The following FAM110B variants were observed in gnomAD, a reference collection of about 807,000 sequenced individuals.
FAM110B encodes the protein family with sequence similarity 110 member B, also known as protein FAM110B.
FAM110B carries 6 observed loss-of-function variants against 20.4 expected under a neutral mutation model. The ratio of observed to expected loss-of-function variants is 0.29; its 90% CI spans 0.16 to 0.58. The LOEUF (loss-of-function observed/expected upper bound fraction) is 0.58. Ranked by LOEUF, FAM110B falls within the 20% of genes least tolerant of loss-of-function variation. The pLI, the probability that FAM110B is intolerant of heterozygous loss-of-function variation, is 0.90. For missense variants in FAM110B, 434 were observed against 498.2 expected (o/e 0.87, Z 1.23); for synonymous variants, 226 against 214.1 (o/e 1.06, Z -0.49).
intron 1 of FAM110B, among the ~76,000 whole-genome samples, chr8:57,999,356 T>C (rs1804248928): frequency 6.6e-6 from 1 of 152,214 alleles, no homozygotes; most frequent in South Asian, 2.1e-4. Context: ...ATGAGGCTTT[T>C]AAAAATACAA....
intron 1 of FAM110B, among the ~76,000 whole-genome samples, chr8:58,019,336 C>CAAAAAAAA (rs61622368): frequency 1.3e-5 from 1 of 78,372 alleles, no homozygotes; most frequent in Non-Finnish European, 2.2e-5. Flanking sequence ...GACTCTGTCT[C>CAAAAAAAA]AAAAAAAAAA....
chr8:58,006,923 A>ATATATATATATATTTTTTTTTT, intron 1 of FAM110B, among the ~76,000 whole-genome samples: 2 of 126,534 alleles, frequency 1.6e-5, no homozygotes, highest in African/African-American at 6.1e-5. Context: ...ATATATATAT[A>ATATATATATATATTTTTTTTTT]TTTTTCCAAA....
chr8:58,019,828 T>C (rs1299115955), intron 1 of FAM110B, among the ~76,000 whole-genome samples: 1 of 152,196 alleles, frequency 6.6e-6, no homozygotes. Flanking sequence ...AGGTGGGTTT[T>C]TCTTTGTATT....
intron 3 of FAM110B, among the ~76,000 whole-genome samples, chr8:58,142,198 G>A (rs534726490): frequency 3.3e-5 from 5 of 152,230 alleles, no homozygotes; most frequent in African/African-American, 9.6e-5. Context: ...ACTTTGGCCT[G>A]TTTCCTCTGT....
At chr8:58,048,721 A>G (rs988228882) in intron 2 of FAM110B, among the ~76,000 whole-genome samples, 9 of 152,202 alleles carry the variant, frequency 5.9e-5, no homozygotes, top group Non-Finnish European at 1.0e-4. Context: ...ACTACATTCA[A>G]TCAGTGCATT....
chr8:58,147,088 A>G lies in FAM110B; in HGVS notation c.858A>G (p.Glu286=). The G allele has an allele frequency of 6.2e-7, 1 of 1,614,230 alleles. No homozygotes were observed. Among genetic ancestry groups the G allele is most frequent in the Non-Finnish European group, 8.5e-7 (1 of 1,180,042 alleles). The change falls in exon 4 of 4, where the codon GAA becomes GAG. Residue 286 remains glutamate (E), a synonymous_variant. Coordinates refer to ENST00000519262, the MANE Select transcript of FAM110B (RefSeq NM_001377989.1). ...RFFNYCGLDP[E]ELENLGMENF... ...TCAACTACTGTGGACTGGACCCGGA[A>G]GAGCTGGAAAACCTGGGAATGGAAA... is the stretch of plus-strand genomic sequence containing the variant.
At chr8:58,133,045 T>C (rs1232649778) in intron 3 of FAM110B, among the ~76,000 whole-genome samples, 1 of 152,218 alleles carries the variant, frequency 6.6e-6, no homozygotes, top group African/African-American at 2.4e-5. Flanking sequence ...GTACATTTTA[T>C]TTTAATGTAT....
Position 58,088,799 on chromosome 8 carries a change from A to G in FAM110B, c.-325+13176A>G, listed in dbSNP as rs749779581. ...TCAAGGACAGACTTCTCTGCTTTTA[A>G]TACTAGCTTTTTGATCAGAGGGCTC... On this transcript the variant is annotated intron_variant, in intron 3 of 3. Coordinates refer to ENST00000519262, the MANE Select transcript of FAM110B (RefSeq NM_001377989.1). Among the ~76,000 whole-genome samples the G allele has an allele frequency of 1.6e-3, 241 of 152,326 alleles. 2 individuals are homozygous for G. Among genetic ancestry groups the G allele is most frequent in the Non-Finnish European group, 2.7e-3 (182 of 68,026 alleles).
At chr8:58,000,223 G>A (rs1804266163) in intron 1 of FAM110B, among the ~76,000 whole-genome samples, 1 of 152,184 alleles carries the variant, frequency 6.6e-6, no homozygotes, top group African/African-American at 2.4e-5. Context: ...AGGGCCTTAT[G>A]GACCACAGCG....
At chr8:58,066,347 TG>T (rs1401899959) in intron 2 of FAM110B, among the ~76,000 whole-genome samples, 1 of 152,158 alleles carries the variant, frequency 6.6e-6, no homozygotes, top group African/African-American at 2.4e-5. Context: ...GCGCAGGTAC[TG>T]GGGAGATGCT....
intron 2 of FAM110B, among the ~76,000 whole-genome samples, chr8:58,073,162 A>C (rs1805947891): frequency 1.3e-5 from 2 of 152,222 alleles, no homozygotes; most frequent in South Asian, 4.1e-4. Context: ...CCATATGCTA[A>C]GCTCTGTGCT....
At chr8:58,072,031 C>T (rs1419051553) in intron 2 of FAM110B, among the ~76,000 whole-genome samples, 1 of 152,188 alleles carries the variant, frequency 6.6e-6, no homozygotes, top group African/African-American at 2.4e-5. Context: ...GCCTGCTGTG[C>T]TCTTCTATGT....
intron 1 of FAM110B, among the ~76,000 whole-genome samples, chr8:58,029,937 C>T (rs1585824544): frequency 6.6e-6 from 1 of 152,112 alleles, no homozygotes; most frequent in East Asian, 1.9e-4. Flanking sequence ...AGTAAGTGTT[C>T]AGCTCTTTGC....
At chr8:58,135,683 G>A (rs1306457371) in intron 3 of FAM110B, among the ~76,000 whole-genome samples, 2 of 152,136 alleles carry the variant, frequency 1.3e-5, no homozygotes, top group African/African-American at 2.4e-5. Context: ...TGCAAAGTGC[G>A]GACCCTTAAA....
intron 2 of FAM110B, among the ~76,000 whole-genome samples, chr8:58,068,612 A>C (rs889321839): frequency 1.4e-4 from 20 of 146,210 alleles, no homozygotes; most frequent in Admixed American, 4.7e-4. Context: ...AAAAAAAAAA[A>C]CTACAGAAAA....
chr8:58,059,111 T>C (rs558776111), intron 2 of FAM110B, among the ~76,000 whole-genome samples: 1 of 152,320 alleles, frequency 6.6e-6, no homozygotes, highest in African/African-American at 2.4e-5. Flanking sequence ...TCCTCTTATA[T>C]CAGTAGGATT....
chr8:58,001,050 G>A (rs1804284842), intron 1 of FAM110B, among the ~76,000 whole-genome samples: 1 of 152,132 alleles, frequency 6.6e-6, no homozygotes, highest in African/African-American at 2.4e-5. Flanking sequence ...CATGCACCCG[G>A]GTGTGTAACC....
At position 58,139,738 on chromosome 8, in the gene FAM110B, T is replaced by C. The variant is rs1008926107; in HGVS notation, c.-324-6169T>C. ...GTCAGGAGATCGAGACCATCCTGGC[T>C]AACAACGGTGAAACCCCGTCTCTAC... On this transcript the variant is annotated intron_variant, in intron 3 of 3. Coordinates refer to ENST00000519262, the MANE Select transcript of FAM110B (RefSeq NM_001377989.1). Among the ~76,000 whole-genome samples the C allele has an allele frequency of 6.9e-4, 105 of 152,120 alleles. 1 individual carries two copies. The highest frequency in any genetic ancestry group is 2.5e-3 in the African/African-American group (104 of 41,518).
chr8:58,020,907 G>T (rs955578432), intron 1 of FAM110B, among the ~76,000 whole-genome samples: 1 of 139,376 alleles, frequency 7.2e-6, no homozygotes, highest in Non-Finnish European at 1.5e-5. Context: ...TCTAGACGAG[G>T]CGTCCTCAGA....
Sources: allele counts gnomAD v4.1 joint callset (sites outside exome capture counted in the v4.1 genomes callset), GRCh38; gene constraint gnomAD v4.1.1; transcripts MANE v1.5; gene names NCBI Gene and HGNC (gene_info 2026-07-23, HGNC 2026-07-21).